The following PARD3 variants were observed in gnomAD, a reference collection of about 807,000 sequenced individuals.
PARD3 encodes partitioning defective 3 homolog.
Under a neutral mutation model 155.4 loss-of-function variants are expected in PARD3, and 75 were observed. The ratio of observed to expected loss-of-function variants is 0.48; its 90% CI spans 0.40 to 0.58. The LOEUF is 0.58. Among genes scored for constraint, PARD3 ranks in the 20% least tolerant of loss-of-function variants. The probability of loss-of-function intolerance (pLI) is 0.00; values close to 1 mark genes in which losing one functional copy is unlikely to be tolerated. For synonymous variants in PARD3, 576 were observed against 610.5 expected (o/e 0.94, Z 0.83); for missense variants, 1,642 against 1,721.7 (o/e 0.95, Z 0.82).
At chr10:34,329,358 T>G (rs563707915) in intron 19 of PARD3, among the ~76,000 whole-genome samples, 1 of 152,188 alleles carries the variant, frequency 6.6e-6, no homozygotes, top group South Asian at 2.1e-4. Flanking sequence ...TTAAAAAATA[T>G]ATATCAAGGG....
intron 23 of PARD3, among the ~76,000 whole-genome samples, chr10:34,129,609 C>A (rs537892177): frequency 1.3e-5 from 2 of 151,902 alleles, no homozygotes; most frequent in Non-Finnish European, 2.9e-5. Context: ...TACCTTTAAT[C>A]TCCCCTTCCC....
At chr10:34,790,949 G>A (rs535652789) in intron 1 of PARD3, among the ~76,000 whole-genome samples, 95 of 152,210 alleles carry the variant, frequency 6.2e-4, no homozygotes, top group African/African-American at 2.6e-4. Flanking sequence ...ACAGGGAAGC[G>A]CATGCGTGGC....
At position 34,620,793 on chromosome 10, in the gene PARD3, T is replaced by C. The variant is rs1465176447; in HGVS notation, c.222+75525A>G. Among the ~76,000 whole-genome samples the C allele has an allele frequency of 2.0e-5, 3 of 152,232 alleles. No individual in the cohort carries two copies. In the East Asian group the frequency reaches 5.8e-4, roughly 29 times the overall value. The stretch of plus-strand genomic sequence containing the variant: ...ATCACTAACAATGAACCAGCTCTCA[T>C]TTTTTATGAAAACTGCAGGAGAAAC... On this transcript the variant is annotated intron_variant, in intron 2 of 24. Coordinates refer to ENST00000374788, the MANE Select transcript of PARD3 (RefSeq NM_001184785.2).
Position 34,461,497 on chromosome 10 carries a change from T to G in PARD3, c.582+8588A>C, listed in dbSNP as rs560334631. ...AGTGGGCGCCTGTAATCCCAGCTAC[T>G]GGGGGGGCTGAGGCAGGAGTTTCGC... On this transcript the variant is annotated intron_variant, in intron 4 of 24. Coordinates refer to ENST00000374788, the MANE Select transcript of PARD3 (RefSeq NM_001184785.2). Among the ~76,000 whole-genome samples, 360 of 151,958 alleles carry G rather than the reference T, an allele frequency of 2.4e-3. 3 individuals are homozygous for G. The highest frequency in any genetic ancestry group is 8.1e-3 in the African/African-American group (336 of 41,448).
At chr10:34,791,739 C>A (rs1190038753) in intron 1 of PARD3, among the ~76,000 whole-genome samples, 1 of 151,722 alleles carries the variant, frequency 6.6e-6, no homozygotes, top group African/African-American at 2.4e-5. Flanking sequence ...CTTCGAGTGG[C>A]AGAAGTGGGA....
In PARD3 at chr10:34,162,121, G is replaced by A. The variant is rs553347923; in HGVS notation, c.3420-30538C>T. ...GAAGAATCTCCGACCCACCCCCCAAGTATTTATACCACATGTTTTGTGCAG... is the reference window on the plus strand; with the variant it reads ...GAAGAATCTCCGACCCACCCCCCAAATATTTATACCACATGTTTTGTGCAG... On this transcript the variant is annotated intron_variant, in intron 22 of 24. Coordinates refer to ENST00000374788, the MANE Select transcript of PARD3 (RefSeq NM_001184785.2). Among the ~76,000 whole-genome samples the A allele has an allele frequency of 1.2e-4, 19 of 152,256 alleles. No homozygotes were observed. The South Asian group carries it at 3.9e-3, about 32-fold the overall frequency.
intron 2 of PARD3, among the ~76,000 whole-genome samples, chr10:34,686,612 G>A (rs2093957715): frequency 6.6e-6 from 1 of 151,940 alleles, no homozygotes; most frequent in Non-Finnish European, 1.5e-5. Flanking sequence ...ATGGTGGTGG[G>A]CACCTGTAAT....
intron 22 of PARD3, among the ~76,000 whole-genome samples, chr10:34,180,248 T>C (rs1388965757): frequency 6.6e-6 from 1 of 152,176 alleles, no homozygotes; most frequent in East Asian, 1.9e-4. Context: ...GGTTTCACCA[T>C]GTTGGCCAGG....
chr10:34,766,775 T>C (rs941507195), intron 1 of PARD3, among the ~76,000 whole-genome samples: 2 of 152,132 alleles, frequency 1.3e-5, no homozygotes, highest in African/African-American at 2.4e-5. Flanking sequence ...CAGACAACTA[T>C]GCACACAATT....
chr10:34,753,146 G>C (rs1836277795), intron 1 of PARD3, among the ~76,000 whole-genome samples: 1 of 152,192 alleles, frequency 6.6e-6, no homozygotes, highest in Admixed American at 6.5e-5. Flanking sequence ...CTCCAGCAGG[G>C]GTCCTGATTG....
intron 3 of PARD3, among the ~76,000 whole-genome samples, chr10:34,487,146 G>A (rs957380509): frequency 2.0e-5 from 3 of 152,064 alleles, no homozygotes; most frequent in Non-Finnish European, 4.4e-5. Flanking sequence ...TGCAACTACA[G>A]AAGGCCAAAG....
intron 1 of PARD3, among the ~76,000 whole-genome samples, chr10:34,762,259 G>GGAGAGGGAGAGAGA (rs1837538909): frequency 6.7e-6 from 1 of 149,320 alleles, no homozygotes; most frequent in Non-Finnish European, 1.5e-5. Flanking sequence ...GGAGGGAGAG[G>GGAGAGGGAGAGAGA]GAGAGAGAGA....
chr10:34,417,180 C>T (rs1404530149), intron 5 of PARD3, among the ~76,000 whole-genome samples: 1 of 151,550 alleles, frequency 6.6e-6, no homozygotes, highest in Admixed American at 6.6e-5. Flanking sequence ...TAAGTTATAA[C>T]TCCAGTTCTT....
At chr10:34,344,296 T>C (rs941146270) in intron 15 of PARD3, 2 of 974,116 alleles carry the variant, frequency 2.1e-6, no homozygotes, top group African/African-American at 3.5e-5. Flanking sequence ...TTTTTTTTTT[T>C]TTTGGATATG....
At chr10:34,356,015 G>A (rs1266275614) in intron 14 of PARD3, among the ~76,000 whole-genome samples, 1 of 145,682 alleles carries the variant, frequency 6.9e-6, no homozygotes, top group African/African-American at 2.6e-5. Flanking sequence ...AATAATGAAA[G>A]AACAGGCAGA....
At position 34,270,563 on chromosome 10, in the gene PARD3, A is replaced by AT. The variant is rs370507827; in HGVS notation, c.3177-665dup. Among the ~76,000 whole-genome samples, 7 of 152,278 alleles carry AT rather than the reference A, an allele frequency of 4.6e-5. No individual in the cohort carries two copies. The South Asian group carries it at 8.3e-4, about 18-fold the overall frequency. On this transcript the variant is annotated intron_variant, in intron 21 of 24. Coordinates refer to ENST00000374788, the MANE Select transcript of PARD3 (RefSeq NM_001184785.2). ...ATGAATTTGTTTAAGGCAAGAAATA[A>AT]TTTTTTTAACGTTACATACACTTTA...
intron 2 of PARD3, among the ~76,000 whole-genome samples, chr10:34,578,050 C>CTTT (rs11404097): frequency 2.7e-5 from 4 of 146,290 alleles, no homozygotes; most frequent in Non-Finnish European, 4.5e-5. Flanking sequence ...TTCTGTTGCT[C>CTTT]TTTTTTTTTT....
intron 12 of PARD3, among the ~76,000 whole-genome samples, chr10:34,361,919 G>A (rs1839481894): frequency 6.6e-6 from 1 of 152,146 alleles, no homozygotes; most frequent in Non-Finnish European, 1.5e-5. Context: ...ACTATGCAAA[G>A]TAAATACATT....
At chr10:34,570,922 C>T (rs1471936402) in intron 2 of PARD3, among the ~76,000 whole-genome samples, 1 of 152,156 alleles carries the variant, frequency 6.6e-6, no homozygotes, top group Non-Finnish European at 1.5e-5. Flanking sequence ...TTGTAAGTGT[C>T]AAGTGTTCTG....
Sources: gnomAD v4.1 joint callset for allele counts (sites outside exome capture counted in the v4.1 genomes callset) on GRCh38, gnomAD v4.1.1 for gene constraint, MANE v1.5 for transcripts, NCBI Gene and HGNC (gene_info 2026-07-23, HGNC 2026-07-21) for gene names.